VIPAS39: variants seen among roughly 807,000 people sequenced by gnomAD.
VIPAS39 encodes spermatogenesis-defective protein 39 homolog.
A neutral mutation model predicts 84.7 loss-of-function variants in VIPAS39; 63 were observed. The observed-to-expected ratio is 0.74, with a 90% CI of 0.61 to 0.92. The LOEUF is 0.92. VIPAS39 is among the 40% of genes least tolerant of loss of function. The pLI is 0.00. For synonymous variants in VIPAS39, 192 were observed against 216.5 expected, an observed-to-expected ratio of 0.89 and a Z score of 0.99; for missense variants, 499 against 604.5, an observed-to-expected ratio of 0.83 and a Z score of 1.83.
Position 77,434,248 on chromosome 14 carries a change from C to T in VIPAS39, c.1089+14G>A, listed in dbSNP as rs1187671716. The T allele has an allele frequency of 6.2e-7, 1 of 1,613,494 alleles. No homozygotes were observed. On this transcript the variant is annotated intron_variant, in intron 15 of 19. Coordinates refer to ENST00000557658, the MANE Select transcript of VIPAS39 (RefSeq NM_001193315.2). The stretch of plus-strand genomic sequence containing the variant: ...TGATCACTAGTTTCATAACACTGAC[C>T]AATTTGTATCTACCTTAAATGTCTT...
At chr14:77,451,143 A>G in intron 4 of VIPAS39, 44 bp downstream of exon 4, 1 of 1,613,768 alleles carries the variant, frequency 6.2e-7, no homozygotes, top group Non-Finnish European at 8.5e-7. Context: ...ATTTTTCTGG[A>G]AAAAGAGAAG....
At chr14:77,451,134 T>C (rs2078874619) in intron 4 of VIPAS39, 53 bp downstream of exon 4, 2 of 1,612,852 alleles carry the variant, frequency 1.2e-6, no homozygotes, top group South Asian at 2.2e-5. Context: ...TGGCCTAAGA[T>C]TTTTCTGGAA....
chr14:77,442,234 G>A (rs1056778955), intron 10 of VIPAS39, among the ~76,000 whole-genome samples: 3 of 152,182 alleles, frequency 2.0e-5, no homozygotes, highest in African/African-American at 7.2e-5. Flanking sequence ...ATAACCCTGT[G>A]GGTAGGTGTC....
chr14:77,453,872 G>C, intron 2 of VIPAS39, 138 bp downstream of exon 2: 1 of 814,376 alleles, frequency 1.2e-6, no homozygotes, highest in South Asian at 1.5e-5. Flanking sequence ...CAGTGAGCTG[G>C]ATTTTACAAT....
chr14:77,433,833 G>A lies in VIPAS39; in HGVS notation c.1179+9C>T. 1 of 1,613,624 alleles carries A rather than the reference G, an allele frequency of 6.2e-7. No homozygotes were observed. The highest frequency in any genetic ancestry group is 8.5e-7 in the Non-Finnish European group (1 of 1,179,730). Reference sequence around the variant, plus strand: ...CAAGGCCTCAGCAGCACAGGGGCAGGGCACACACCTTTGTGGTGAATAGGG... The same window carrying A: ...CAAGGCCTCAGCAGCACAGGGGCAGAGCACACACCTTTGTGGTGAATAGGG... On this transcript the variant is annotated intron_variant, in intron 16 of 19. Coordinates refer to ENST00000557658, the MANE Select transcript of VIPAS39 (RefSeq NM_001193315.2).
intron 11 of VIPAS39, among the ~76,000 whole-genome samples, chr14:77,438,989 A>G (rs953411892): frequency 6.6e-6 from 1 of 152,252 alleles, no homozygotes; most frequent in African/African-American, 2.4e-5. Context: ...GTTGGTATAC[A>G]ATCATTCCTA....
chr14:77,448,799 A>G (rs545820450), intron 6 of VIPAS39, among the ~76,000 whole-genome samples: 20 of 152,328 alleles, frequency 1.3e-4, no homozygotes, highest in African/African-American at 3.4e-4. Context: ...CAGTAGCCCC[A>G]TGCCTACCAG....
intron 10 of VIPAS39, among the ~76,000 whole-genome samples, chr14:77,442,211 C>T (rs761434985): frequency 7.9e-5 from 12 of 152,168 alleles, no homozygotes; most frequent in Non-Finnish European, 1.5e-4. Flanking sequence ...CATACTAGCC[C>T]TTCATCTTCA....
chr14:77,456,828 G>A (rs918068428), intron 1 of VIPAS39, among the ~76,000 whole-genome samples: 4 of 152,148 alleles, frequency 2.6e-5, no homozygotes, highest in African/African-American at 9.7e-5. Flanking sequence ...GAGAAGCTAG[G>A]TTTACTTGGC....
intron 3 of VIPAS39, 21 bp downstream of exon 3, chr14:77,453,277 GC>G (rs771237115): frequency 6.3e-5 from 101 of 1,607,786 alleles, no homozygotes; most frequent in Non-Finnish European, 8.6e-5. Flanking sequence ...ATCTATCCCT[GC>G]CTAGGGACTC....
intron 8 of VIPAS39, among the ~76,000 whole-genome samples, 188 bp downstream of exon 8, chr14:77,444,061 G>A (rs1317207314): frequency 2.1e-5 from 3 of 145,922 alleles, no homozygotes; most frequent in South Asian, 2.2e-4. Context: ...AAAAAACAGG[G>A]TTCCACGCTT....
At chr14:77,428,587 T>A in intron 18 of VIPAS39, 113 bp from the exon 19 acceptor site, 2 of 853,652 alleles carry the variant, frequency 2.3e-6, no homozygotes, top group Non-Finnish European at 3.9e-6. Flanking sequence ...CTTAGGCTCC[T>A]GAGTAGCTGG....
intron 7 of VIPAS39, 54 bp from the exon 8 acceptor site, chr14:77,444,395 T>C: frequency 1.3e-6 from 2 of 1,486,366 alleles, no homozygotes; most frequent in Non-Finnish European, 1.9e-6. Flanking sequence ...CTTTATTCCT[T>C]TGTTGCTGGA....
In VIPAS39 at chr14:77,448,529, G is replaced by C. The variant is rs750765529; in HGVS notation, c.469C>G (p.Pro157Ala). Residue 157 changes from proline to alanine, a missense_variant, in exon 7 of 20, where the codon CCC (proline) becomes GCC (alanine). Physicochemically the swap from Pro to Ala is conservative, Grantham distance 27 (BLOSUM62 -1). Coordinates refer to ENST00000557658, the MANE Select transcript of VIPAS39 (RefSeq NM_001193315.2). ...CGGAGACGTCGCACTGTATCACTGG[G>C]GCTCCAGTCATTGCTGTAATCCTGG... ...EYRDYSNDWSPSDTVRRLRKG... is the reference protein window; with the variant it reads ...EYRDYSNDWSASDTVRRLRKG... The C allele has an allele frequency of 6.2e-7, 1 of 1,613,998 alleles. No individual in the cohort carries two copies. Among genetic ancestry groups the C allele is most frequent in the Non-Finnish European group, 8.5e-7 (1 of 1,180,028 alleles).
At position 77,434,302 on chromosome 14, in the gene VIPAS39, C is replaced by T; in HGVS notation, c.1049G>A (p.Gly350Glu). The change falls in exon 15 of 20, where the codon GGG becomes GAG. Residue 350 changes from glycine to glutamate, a missense_variant and splice_region_variant. Transcript: ENST00000557658. ...SCFYHYTEAE[G>E]TFSSPVNLKK... is the part of the protein sequence containing the mutation. The stretch of plus-strand genomic sequence containing the variant: ...CAGGTTGACGGGACTGCTGAATGTC[C>T]CCTAGGATGAAAGTGAAAAAGGAAC... 1.2e-6 allele frequency: 2 copies of T among 1,614,020 alleles called. No homozygotes were observed. The highest frequency in any genetic ancestry group is 1.7e-6 in the Non-Finnish European group (2 of 1,179,978).
chr14:77,428,690 T>A (rs562593362), intron 18 of VIPAS39, among the ~76,000 whole-genome samples: 3 of 152,284 alleles, frequency 2.0e-5, no homozygotes, highest in South Asian at 4.2e-4. Flanking sequence ...GCTAAGAGGC[T>A]ATAGTGGGAT....
At chr14:77,436,001 T>C (rs2078605582) in intron 12 of VIPAS39, 82 bp from the exon 13 acceptor site, 1 of 1,399,858 alleles carries the variant, frequency 7.1e-7, no homozygotes, top group Admixed American at 1.7e-5. Flanking sequence ...CCAGCATAAG[T>C]ATAAGAGGCT....
chr14:77,434,346 C>T, intron 14 of VIPAS39, 43 bp from the exon 15 acceptor site: 1 of 1,578,286 alleles, frequency 6.3e-7, no homozygotes, highest in Admixed American at 1.7e-5. Flanking sequence ...TATTGACTTT[C>T]CCAAGTACCA....
intron 4 of VIPAS39, 42 bp from the exon 5 acceptor site, chr14:77,449,794 A>C: frequency 6.2e-7 from 1 of 1,611,772 alleles, no homozygotes; most frequent in Admixed American, 1.7e-5. Context: ...CAACAGTTTC[A>C]ATCAGAGCCA....
Sources: allele counts gnomAD v4.1 joint callset (sites outside exome capture counted in the v4.1 genomes callset), GRCh38; gene constraint gnomAD v4.1.1; transcripts MANE v1.5; gene names NCBI Gene and HGNC (gene_info 2026-07-23, HGNC 2026-07-21).